RAP2A: variants seen among roughly 807,000 people sequenced by gnomAD.
RAP2A encodes the protein RAP2A, member of RAS oncogene family.
RAP2A carries 5 observed loss-of-function variants against 15.1 expected under a neutral mutation model. The observed-to-expected ratio is 0.33, with a 90% CI of 0.17 to 0.70. The LOEUF (loss-of-function observed/expected upper bound fraction) is 0.70, where lower values mean the gene tolerates loss of function less well. Ranked by LOEUF, RAP2A falls within the 30% of genes least tolerant of loss-of-function variation. The pLI is 0.68. For synonymous variants in RAP2A, 110 were observed against 99.7 expected (o/e 1.10, Z -0.62); for missense variants, 111 against 240.3 (o/e 0.46, Z 3.56).
chr13:97,459,194 A>G (rs973995589), intron 1 of RAP2A, among the ~76,000 whole-genome samples: 1 of 152,162 alleles, frequency 6.6e-6, no homozygotes, highest in Non-Finnish European at 1.5e-5. Flanking sequence ...CAGGTTAACA[A>G]TAACACATAC....
At chr13:97,462,106 A>G (rs2066750664) in intron 1 of RAP2A, among the ~76,000 whole-genome samples, 1 of 147,546 alleles carries the variant, frequency 6.8e-6, no homozygotes. Flanking sequence ...TCTTTAAAAT[A>G]TTTATCATTT....
chr13:97,460,763 G>A (rs1426959571), intron 1 of RAP2A, among the ~76,000 whole-genome samples: 1 of 152,108 alleles, frequency 6.6e-6, no homozygotes, highest in Non-Finnish European at 1.5e-5. Context: ...TCGAGTGCCC[G>A]CTGTTTGGGA....
chr13:97,443,336 A>G (rs2066665789), intron 1 of RAP2A, among the ~76,000 whole-genome samples: 1 of 152,216 alleles, frequency 6.6e-6, no homozygotes, highest in Admixed American at 6.5e-5. Flanking sequence ...AATTCAATGC[A>G]TATTAGTATT....
chr13:97,447,667 C>T (rs571865833), intron 1 of RAP2A, among the ~76,000 whole-genome samples: 54 of 152,258 alleles, frequency 3.5e-4, no homozygotes, highest in African/African-American at 1.1e-3. Context: ...TCCAAAAATG[C>T]GTTTTTAGCC....
intron 1 of RAP2A, among the ~76,000 whole-genome samples, chr13:97,462,057 T>C (rs1050034697): frequency 3.4e-5 from 5 of 145,660 alleles, no homozygotes; most frequent in Admixed American, 1.4e-4. Context: ...TATATATTTA[T>C]ATATATATTT....
chr13:97,456,139 G>A (rs1363315689), intron 1 of RAP2A, among the ~76,000 whole-genome samples: 1 of 144,258 alleles, frequency 6.9e-6, no homozygotes, highest in Admixed American at 6.8e-5. Flanking sequence ...AAAAAGTGAG[G>A]GTTTTCAGCC....
At chr13:97,459,531 A>G (rs1338973691) in intron 1 of RAP2A, among the ~76,000 whole-genome samples, 3 of 152,186 alleles carry the variant, frequency 2.0e-5, no homozygotes, top group African/African-American at 7.2e-5. Flanking sequence ...AGGAGGCTGT[A>G]GAGATGGATC....
chr13:97,436,976 G>A (rs986833870), intron 1 of RAP2A, among the ~76,000 whole-genome samples: 3 of 152,134 alleles, frequency 2.0e-5, no homozygotes, highest in Non-Finnish European at 4.4e-5. Flanking sequence ...GAATGCAGGT[G>A]GCCTCTTCTT....
chr13:97,448,197 T>A (rs1026543562), intron 1 of RAP2A, among the ~76,000 whole-genome samples: 1 of 152,148 alleles, frequency 6.6e-6, no homozygotes, highest in Admixed American at 6.5e-5. Context: ...GTTTTCAGAC[T>A]AGATGGTTAG....
chr13:97,457,875 T>G (rs1014245393), intron 1 of RAP2A, among the ~76,000 whole-genome samples: 4 of 151,412 alleles, frequency 2.6e-5, no homozygotes, highest in Non-Finnish European at 4.4e-5. Flanking sequence ...TGAGCAAGAG[T>G]AGGAGGGACC....
At chr13:97,445,870 T>G (rs757832975) in intron 1 of RAP2A, among the ~76,000 whole-genome samples, 64 of 152,326 alleles carry the variant, frequency 4.2e-4, no homozygotes, top group Non-Finnish European at 5.6e-4. Context: ...TTTAAAAGGC[T>G]ACTCTTGATG....
intron 1 of RAP2A, among the ~76,000 whole-genome samples, chr13:97,443,544 G>A (rs1327133668): frequency 6.6e-6 from 1 of 152,002 alleles, no homozygotes; most frequent in Non-Finnish European, 1.5e-5. Context: ...AGGCACCACC[G>A]CATCCAAGTA....
At chr13:97,460,846 G>A (rs745605964) in intron 1 of RAP2A, among the ~76,000 whole-genome samples, 2 of 152,124 alleles carry the variant, frequency 1.3e-5, no homozygotes, top group Non-Finnish European at 2.9e-5. Context: ...AGAAGCACCT[G>A]GTTAGTGTCT....
chr13:97,467,425 C>G lies in RAP2A; in HGVS notation c.*2983C>G, dbSNP rs2066776913. The G allele has an allele frequency of 6.6e-6, 1 of 152,538 alleles. No homozygotes were observed. The highest frequency in any genetic ancestry group is 2.1e-4 in the South Asian group (1 of 4,830). The allele number at this position is 152,538 out of a possible 1,614,324, so 9.4% of individuals were successfully genotyped here. On this transcript the variant is annotated 3_prime_UTR_variant, in exon 2 of 2. Coordinates refer to ENST00000245304, the MANE Select transcript of RAP2A (RefSeq NM_021033.7). ...TTGCCATCACCTTTCTGTGGTAATACTACTGATATTTGCTTTTCTATATAA... is the reference window on the plus strand; with the variant it reads ...TTGCCATCACCTTTCTGTGGTAATAGTACTGATATTTGCTTTTCTATATAA...
chr13:97,442,751 T>G (rs900049288), intron 1 of RAP2A, among the ~76,000 whole-genome samples: 1 of 152,212 alleles, frequency 6.6e-6, no homozygotes, highest in Non-Finnish European at 1.5e-5. Flanking sequence ...AATGTAACTA[T>G]CTGTTTAATA....
chr13:97,447,615 G>A (rs2066684987), intron 1 of RAP2A, among the ~76,000 whole-genome samples: 1 of 152,116 alleles, frequency 6.6e-6, no homozygotes, highest in South Asian at 2.1e-4. Flanking sequence ...CTAACACAAG[G>A]CATGATAAAG....
chr13:97,463,189 CT>C (rs1453692531), intron 1 of RAP2A, among the ~76,000 whole-genome samples: 10 of 152,228 alleles, frequency 6.6e-5, no homozygotes, highest in African/African-American at 2.4e-4. Flanking sequence ...AATATATTAG[CT>C]ATCTTTCTTA....
chr13:97,445,606 A>T (rs1280808626), intron 1 of RAP2A, among the ~76,000 whole-genome samples: 9 of 152,202 alleles, frequency 5.9e-5, no homozygotes, highest in Non-Finnish European at 8.8e-5. Context: ...CTGGATGGTC[A>T]ACTAGTTTTG....
chr13:97,435,465 C>CAAAAAAAAAAAAA (rs35791914), intron 1 of RAP2A, among the ~76,000 whole-genome samples: 1 of 63,640 alleles, frequency 1.6e-5, no homozygotes, highest in Non-Finnish European at 3.0e-5. Context: ...TAACCCCTTC[C>CAAAAAAAAAAAAA]AAAAAAAAAA....
Sources: allele counts gnomAD v4.1 joint callset (sites outside exome capture counted in the v4.1 genomes callset), GRCh38; gene constraint gnomAD v4.1.1; transcripts MANE v1.5; gene names NCBI Gene and HGNC (gene_info 2026-07-23, HGNC 2026-07-21).